The following SEMA6A variants were observed in gnomAD, a reference collection of about 807,000 sequenced individuals.
SEMA6A encodes the protein semaphorin-6A.
A neutral mutation model predicts 96.8 loss-of-function variants in SEMA6A; 25 were observed. That is an observed-to-expected ratio of 0.26 (90% confidence interval 0.19 to 0.36). SEMA6A has a LOEUF of 0.36. Among genes scored for constraint, SEMA6A ranks in the 10% least tolerant of loss-of-function variants. SEMA6A has a pLI of 1.00. For synonymous variants in SEMA6A, 612 were observed against 518.0 expected (o/e 1.18, Z -2.46); for missense variants, 1,363 against 1,323.1 (o/e 1.03, Z -0.47).
At position 116,473,068 on chromosome 5, in the gene SEMA6A, CT is replaced by C; in HGVS notation, c.1729+4del. The C allele has an allele frequency of 6.3e-7, 1 of 1,593,038 alleles. No individual in the cohort carries two copies. The highest frequency in any genetic ancestry group is 1.1e-5 in the South Asian group (1 of 87,228). On this transcript the variant is annotated splice_donor_region_variant and intron_variant, in intron 17 of 18. Coordinates refer to ENST00000343348, the MANE Select transcript of SEMA6A (RefSeq NM_020796.5). ...ATGGAATTATGAGAGTAATATCTTCCTTACCATTCAGTGCCACAAAGGAATC... is the reference window on the plus strand; with the variant it reads ...ATGGAATTATGAGAGTAATATCTTCCTACCATTCAGTGCCACAAAGGAATC...
intron 4 of SEMA6A, among the ~76,000 whole-genome samples, chr5:116,496,763 A>T (rs1757622799): frequency 6.6e-6 from 1 of 152,222 alleles, no homozygotes; most frequent in Non-Finnish European, 1.5e-5. Context: ...CTCTAGGTGG[A>T]CAAAGATTTA....
intron 7 of SEMA6A, among the ~76,000 whole-genome samples, chr5:116,490,078 A>G (rs1580428184): frequency 6.6e-6 from 1 of 152,186 alleles, no homozygotes; most frequent in Admixed American, 6.5e-5. Flanking sequence ...CTCATATCCA[A>G]ATATATTTAA....
chr5:116,500,785 A>G (rs1032480643), intron 3 of SEMA6A, among the ~76,000 whole-genome samples: 2 of 152,146 alleles, frequency 1.3e-5, no homozygotes, highest in Non-Finnish European at 2.9e-5. Flanking sequence ...CGGGTGGACC[A>G]CTTGAAGGTC....
At chr5:116,470,743 T>G (rs941721788) in intron 17 of SEMA6A, among the ~76,000 whole-genome samples, 3 of 152,186 alleles carry the variant, frequency 2.0e-5, no homozygotes, top group African/African-American at 7.2e-5. Flanking sequence ...TTTCCTGGGT[T>G]GGGCAGTTCT....
At chr5:116,519,498 C>A (rs1330097114) in intron 1 of SEMA6A, among the ~76,000 whole-genome samples, 1 of 152,136 alleles carries the variant, frequency 6.6e-6, no homozygotes, top group African/African-American at 2.4e-5. Context: ...ATTCACTCAT[C>A]GAATTCAGTC....
intron 18 of SEMA6A, among the ~76,000 whole-genome samples, chr5:116,454,962 C>T (rs1223818287): frequency 6.6e-6 from 1 of 152,042 alleles, no homozygotes; most frequent in African/African-American, 2.4e-5. Context: ...TGTTTAATGT[C>T]CTGAATTCAG....
At chr5:116,448,756 A>C (rs1479083277) in intron 18 of SEMA6A, among the ~76,000 whole-genome samples, 30 of 7,142 alleles carry the variant, frequency 4.2e-3, no homozygotes, top group African/African-American at 0.014. Flanking sequence ...ATCACCTCTC[A>C]AAAAAAAAAA....
At chr5:116,515,359 A>G (rs1758620370) in intron 1 of SEMA6A, among the ~76,000 whole-genome samples, 1 of 152,122 alleles carries the variant, frequency 6.6e-6, no homozygotes, top group African/African-American at 2.4e-5. Context: ...GGGGTGGGGG[A>G]AGCTCTGAAG....
At chr5:116,534,627 C>T (rs146860286) in intron 1 of SEMA6A, among the ~76,000 whole-genome samples, 1,615 of 152,318 alleles carry the variant, frequency 0.011, 11 homozygotes, top group South Asian at 0.019. Context: ...CCTCACCACA[C>T]TGCTCTTTTT....
chr5:116,557,179 T>A (rs1175152323), intron 1 of SEMA6A, among the ~76,000 whole-genome samples: 1 of 152,260 alleles, frequency 6.6e-6, no homozygotes, highest in Non-Finnish European at 1.5e-5. Flanking sequence ...ATATCATAAA[T>A]TTTGAGGCTG....
chr5:116,487,996 C>T (rs1046304677), intron 9 of SEMA6A, 112 bp downstream of exon 9: 2 of 652,472 alleles, frequency 3.1e-6, no homozygotes, highest in Admixed American at 2.9e-5. Flanking sequence ...AGACCGCACT[C>T]TGTTATTAGA....
intron 17 of SEMA6A, chr5:116,467,979 C>G: frequency 1.9e-6 from 1 of 514,474 alleles, no homozygotes; most frequent in Non-Finnish European, 3.5e-6. Flanking sequence ...CAGATCCTAT[C>G]TCTCATACTT....
chr5:116,560,150 G>GGAGT (rs1760763555), intron 1 of SEMA6A, among the ~76,000 whole-genome samples: 1 of 152,116 alleles, frequency 6.6e-6, no homozygotes, highest in African/African-American at 2.4e-5. Context: ...TCCCAAATAC[G>GGAGT]GAGACCTCAC....
intron 11 of SEMA6A, 49 bp downstream of exon 11, chr5:116,482,395 C>A: frequency 3.2e-6 from 5 of 1,582,252 alleles, no homozygotes; most frequent in Non-Finnish European, 4.3e-6. Flanking sequence ...GAGGTGCAAG[C>A]TTTGCCATTT....
Position 116,536,866 on chromosome 5 carries a change from TAAAAAAAAAAAAA to T in SEMA6A, c.-38-31897_-38-31885del, listed in dbSNP as rs72214884. On this transcript the variant is annotated intron_variant, in intron 1 of 18. Transcript: ENST00000343348. ...TTTATTCAGTCCCCGTGTGATTTCT[TAAAAAAAAAAAAA>T]AAAAAAAAAAAAAAAGCAAAACTGG... Among the ~76,000 whole-genome samples, 326 of 69,524 alleles carry T rather than the reference TAAAAAAAAAAAAA, an allele frequency of 4.7e-3. 7 individuals carry two copies. Among genetic ancestry groups the T allele is most frequent in the African/African-American group, 0.014 (284 of 21,028 alleles). The allele number at this position is 69,524 out of a possible 152,430, so 45.6% of individuals were successfully genotyped here.
intron 1 of SEMA6A, among the ~76,000 whole-genome samples, chr5:116,539,856 A>G (rs946361085): frequency 1.1e-4 from 17 of 152,138 alleles, no homozygotes; most frequent in Admixed American, 2.0e-4. Context: ...AATTTTAATT[A>G]TTTAAGTCAT....
chr5:116,519,754 C>T (rs1758845694), intron 1 of SEMA6A, among the ~76,000 whole-genome samples: 1 of 151,896 alleles, frequency 6.6e-6, no homozygotes, highest in Non-Finnish European at 1.5e-5. Flanking sequence ...TTAAGAGGAC[C>T]AAGAGACGTA....
chr5:116,513,012 G>A (rs1005739321), intron 1 of SEMA6A, among the ~76,000 whole-genome samples: 1 of 152,106 alleles, frequency 6.6e-6, no homozygotes, highest in Non-Finnish European at 1.5e-5. Flanking sequence ...TTTACTTTTT[G>A]TGGGTACAAG....
intron 1 of SEMA6A, among the ~76,000 whole-genome samples, chr5:116,516,517 CTTTA>C (rs894538753): frequency 1.1e-4 from 17 of 151,836 alleles, no homozygotes; most frequent in African/African-American, 3.9e-4. Context: ...TTACTAATAT[CTTTA>C]TTGGCTTTGC....
Sources: allele counts gnomAD v4.1 joint callset (sites outside exome capture counted in the v4.1 genomes callset), GRCh38; gene constraint gnomAD v4.1.1; transcripts MANE v1.5; gene names NCBI Gene and HGNC (gene_info 2026-07-23, HGNC 2026-07-21).